Variants in CNGB3 observed in about 807,000 individuals in gnomAD.
The protein encoded by CNGB3 is cyclic nucleotide-gated channel beta-3.
Under a neutral mutation model 92.8 loss-of-function variants are expected in CNGB3, and 86 were observed. That is an observed-to-expected ratio of 0.93 (90% confidence interval 0.78 to 1.11). The LOEUF (loss-of-function observed/expected upper bound fraction) is 1.11, where lower values mean the gene tolerates loss of function less well. CNGB3 is among the 50% of genes least tolerant of loss of function. CNGB3 has a pLI of 0.00. For missense variants in CNGB3, 1,026 were observed against 956.8 expected (o/e 1.07, Z -0.95); for synonymous variants, 333 against 332.7 (o/e 1.00, Z -0.01).
intron 6 of CNGB3, chr8:86,662,054 G>T (rs1045224402): frequency 1.4e-5 from 4 of 283,490 alleles, no homozygotes; most frequent in Non-Finnish European, 2.6e-5. Context: ...GCGAGGGTGC[G>T]CTGCTGTCCC....
chr8:86,681,156 T>A (rs536908874), intron 3 of CNGB3, among the ~76,000 whole-genome samples: 25 of 152,078 alleles, frequency 1.6e-4, no homozygotes, highest in South Asian at 1.2e-3. Context: ...AGAAACAGAA[T>A]AACAAAGCTG....
At chr8:86,712,313 G>A (rs1282877404) in intron 3 of CNGB3, among the ~76,000 whole-genome samples, 2 of 151,992 alleles carry the variant, frequency 1.3e-5, no homozygotes, top group African/African-American at 2.4e-5. Context: ...AGGTAGTAAA[G>A]TTTATTAAGC....
chr8:86,583,420 TTAGAG>T (rs751145833), intron 15 of CNGB3, among the ~76,000 whole-genome samples: 11 of 152,130 alleles, frequency 7.2e-5, no homozygotes, highest in Non-Finnish European at 1.3e-4. Flanking sequence ...ATTGAAAACT[TTAGAG>T]TAACCATTAA....
intron 3 of CNGB3, among the ~76,000 whole-genome samples, 178 bp downstream of exon 3, chr8:86,726,353 G>A (rs1825060350): frequency 6.6e-6 from 1 of 152,150 alleles, no homozygotes; most frequent in South Asian, 2.1e-4. Flanking sequence ...GGGCCAGTGA[G>A]GTACGATGAA....
rs894536467 is a variant in CNGB3 at position 86,723,776 on chromosome 8, C to A, written c.338+2755G>T. ...TAACAAAGCAAGAACTTTAAGCTAACTTGGGTCTACTTAGTTTGTTAATAC... is the reference window on the plus strand; with the variant it reads ...TAACAAAGCAAGAACTTTAAGCTAAATTGGGTCTACTTAGTTTGTTAATAC... On this transcript the variant is annotated intron_variant, in intron 3 of 17. Transcript: ENST00000320005. Among the ~76,000 whole-genome samples, 7 of 152,280 alleles carry A rather than the reference C, an allele frequency of 4.6e-5. No individual in the cohort carries two copies. The East Asian group carries it at 1.4e-3, about 29-fold the overall frequency.
chr8:86,684,671 A>G (rs947993320), intron 3 of CNGB3, among the ~76,000 whole-genome samples: 21 of 151,466 alleles, frequency 1.4e-4, no homozygotes, highest in African/African-American at 4.9e-4. Flanking sequence ...AAAAAAAAAA[A>G]GGAATAAACT....
At chr8:86,736,704 C>T (rs1486300601) in intron 2 of CNGB3, among the ~76,000 whole-genome samples, 1 of 151,834 alleles carries the variant, frequency 6.6e-6, no homozygotes, top group Non-Finnish European at 1.5e-5. Context: ...AGGGTCTTCT[C>T]CTTTTAAACA....
At chr8:86,671,902 C>T (rs911787782) in intron 3 of CNGB3, among the ~76,000 whole-genome samples, 2 of 152,140 alleles carry the variant, frequency 1.3e-5, no homozygotes, top group African/African-American at 4.8e-5. Flanking sequence ...AAGCCAAGAA[C>T]CCGGTTGAGC....
At chr8:86,660,062 C>T (rs1823604343) in intron 6 of CNGB3, 3 of 328,536 alleles carry the variant, frequency 9.1e-6, no homozygotes, top group Non-Finnish European at 1.9e-5. Flanking sequence ...AGAGACACCA[C>T]CAGCTAACAT....
intron 15 of CNGB3, among the ~76,000 whole-genome samples, chr8:86,599,624 G>GGCGGCTGTCTTTTACGGTC (rs555906899): frequency 0.023 from 3,546 of 152,138 alleles, 145 homozygotes; most frequent in African/African-American, 0.08. Flanking sequence ...CCACCTTGGG[G>GGCGGCTGTCTTTTACGGTC]GCGGCTGTCT....
chr8:86,575,715 A>C lies in CNGB3; in HGVS notation c.*89T>G. The C allele has an allele frequency of 8.3e-7, 1 of 1,198,292 alleles. No individual in the cohort carries two copies. Among genetic ancestry groups the C allele is most frequent in the East Asian group, 2.5e-5 (1 of 40,708 alleles). The allele number at this position is 1,198,292 out of a possible 1,614,324, so 74.2% of individuals were successfully genotyped here. On this transcript the variant is annotated 3_prime_UTR_variant, in exon 18 of 18. Transcript: ENST00000320005. ...CCTTTCGTTTCTCAAGGGTCCCAGC[A>C]TGTCGTTTCCCCTCGTTAATTTAAG...
chr8:86,732,990 A>G (rs929556937), intron 2 of CNGB3, among the ~76,000 whole-genome samples: 2 of 152,086 alleles, frequency 1.3e-5, no homozygotes, highest in African/African-American at 4.8e-5. Context: ...CCTGTCACAC[A>G]GTGAGCAGAG....
intron 15 of CNGB3, among the ~76,000 whole-genome samples, chr8:86,584,689 T>C (rs1821859241): frequency 6.6e-6 from 1 of 152,268 alleles, no homozygotes; most frequent in Non-Finnish European, 1.5e-5. Context: ...AAAGAGCCCA[T>C]GCTGGAGTAC....
chr8:86,621,630 A>AC (rs1192194221), intron 13 of CNGB3, among the ~76,000 whole-genome samples: 4 of 151,186 alleles, frequency 2.6e-5, no homozygotes, highest in Non-Finnish European at 4.4e-5. Context: ...TTTATCCTTC[A>AC]CCCCCCTTCC....
intron 12 of CNGB3, among the ~76,000 whole-genome samples, chr8:86,628,198 G>A (rs1822886342): frequency 6.6e-6 from 1 of 152,060 alleles, no homozygotes; most frequent in Admixed American, 6.6e-5. Context: ...ACAGAATCTG[G>A]CTCTGTTGCC....
chr8:86,701,730 A>G (rs1824560801), intron 3 of CNGB3, among the ~76,000 whole-genome samples: 1 of 152,156 alleles, frequency 6.6e-6, no homozygotes, highest in Non-Finnish European at 1.5e-5. Flanking sequence ...GGTAGATTTT[A>G]TTTTGTAAAT....
intron 6 of CNGB3, chr8:86,659,339 C>A: frequency 8.5e-7 from 1 of 1,172,182 alleles, no homozygotes; most frequent in Non-Finnish European, 1.3e-6. Context: ...CCTGCTGTAA[C>A]TGCTGGTTAG....
chr8:86,694,573 A>T (rs984811105), intron 3 of CNGB3, among the ~76,000 whole-genome samples: 6 of 146,760 alleles, frequency 4.1e-5, no homozygotes, highest in Non-Finnish European at 7.5e-5. Context: ...GGGTCTCCTC[A>T]CTTCTCAGAC....
chr8:86,712,883 G>T (rs931922334), intron 3 of CNGB3, among the ~76,000 whole-genome samples: 1 of 150,848 alleles, frequency 6.6e-6, no homozygotes. Flanking sequence ...GTGATACTGC[G>T]CCTGGCTTTC....
Sources: gnomAD v4.1 joint callset for allele counts (sites outside exome capture counted in the v4.1 genomes callset) on GRCh38, gnomAD v4.1.1 for gene constraint, MANE v1.5 for transcripts, NCBI Gene and HGNC (gene_info 2026-07-23, HGNC 2026-07-21) for gene names.